SLC25A12: variants seen among roughly 807,000 people sequenced by gnomAD.
The protein encoded by SLC25A12 is solute carrier family 25 member 12, also known as electrogenic aspartate/glutamate antiporter SLC25A12, mitochondrial.
SLC25A12 carries 32 observed loss-of-function variants against 83.3 expected under a neutral mutation model. That is an observed-to-expected ratio of 0.38 (90% confidence interval 0.29 to 0.52). The LOEUF (loss-of-function observed/expected upper bound fraction) is 0.52, where lower values mean the gene tolerates loss of function less well. Ranked by LOEUF, SLC25A12 falls within the 20% of genes least tolerant of loss-of-function variation. The probability of loss-of-function intolerance (pLI) is 0.84; values close to 1 mark genes in which losing one functional copy is unlikely to be tolerated. For missense variants in SLC25A12, 611 were observed against 835.6 expected (o/e 0.73, Z 3.31); for synonymous variants, 267 against 291.1 (o/e 0.92, Z 0.84).
At chr2:171,877,614 G>A (rs371616942) in intron 2 of SLC25A12, among the ~76,000 whole-genome samples, 6 of 149,736 alleles carry the variant, frequency 4.0e-5, no homozygotes, top group South Asian at 2.1e-4. Flanking sequence ...GCAGTAAGCC[G>A]AGATCGTGCC....
At chr2:171,868,980 T>C (rs1188470708) in intron 2 of SLC25A12, among the ~76,000 whole-genome samples, 157 bp from the exon 3 acceptor site, 2 of 152,224 alleles carry the variant, frequency 1.3e-5, no homozygotes, top group Admixed American at 6.5e-5. Context: ...AAATCAAATA[T>C]TCAGAGCCTG....
chr2:171,797,564 A>G (rs556199552), intron 13 of SLC25A12, among the ~76,000 whole-genome samples: 6 of 152,280 alleles, frequency 3.9e-5, no homozygotes, highest in Admixed American at 3.9e-4. Context: ...ACAACAAGAA[A>G]CAGACCTGGT....
chr2:171,789,498 G>T (rs184024395), intron 15 of SLC25A12, among the ~76,000 whole-genome samples: 2 of 152,264 alleles, frequency 1.3e-5, no homozygotes, highest in Non-Finnish European at 2.9e-5. Context: ...AAAGTGCTGG[G>T]ATTACAGGAA....
intron 9 of SLC25A12, among the ~76,000 whole-genome samples, chr2:171,815,991 G>T (rs1011944406): frequency 1.3e-5 from 2 of 148,518 alleles, no homozygotes; most frequent in South Asian, 4.3e-4. Flanking sequence ...TACAAAAATA[G>T]AAATTATAGA....
At chr2:171,853,993 G>A (rs1250627355) in intron 4 of SLC25A12, among the ~76,000 whole-genome samples, 1 of 152,224 alleles carries the variant, frequency 6.6e-6, no homozygotes, top group African/African-American at 2.4e-5. Flanking sequence ...TATAAGCACA[G>A]GGCACTGTCA....
chr2:171,894,162 T>C, intron 1 of SLC25A12, 41 bp downstream of exon 1: 5 of 1,599,952 alleles, frequency 3.1e-6, no homozygotes, highest in Non-Finnish European at 4.3e-6. Context: ...GCTCGGAATG[T>C]CTCTTATGCA....
intron 8 of SLC25A12, among the ~76,000 whole-genome samples, chr2:171,828,097 T>C (rs910409320): frequency 6.6e-6 from 1 of 152,190 alleles, no homozygotes; most frequent in Non-Finnish European, 1.5e-5. Context: ...ATTGCCTGGT[T>C]TGGGTGAGGG....
At chr2:171,885,763 G>T (rs922357452) in intron 2 of SLC25A12, among the ~76,000 whole-genome samples, 2 of 152,156 alleles carry the variant, frequency 1.3e-5, no homozygotes, top group South Asian at 2.1e-4. Context: ...AATTATAATA[G>T]CATGGTTAAT....
chr2:171,813,069 G>T (rs1466395472), intron 11 of SLC25A12, among the ~76,000 whole-genome samples: 1 of 152,030 alleles, frequency 6.6e-6, no homozygotes, highest in Non-Finnish European at 1.5e-5. Flanking sequence ...GGAGCATGGT[G>T]ACATAGACCC....
intron 4 of SLC25A12, among the ~76,000 whole-genome samples, chr2:171,847,781 A>T (rs4668414): frequency 2.0e-5 from 3 of 152,176 alleles, no homozygotes; most frequent in African/African-American, 7.2e-5. Flanking sequence ...CTTCCTGCAG[A>T]GCATGGGCTT....
At chr2:171,811,292 A>G (rs919618986) in intron 11 of SLC25A12, among the ~76,000 whole-genome samples, 23 of 152,300 alleles carry the variant, frequency 1.5e-4, no homozygotes, top group Admixed American at 1.0e-3. Context: ...TGAATTATCA[A>G]TGATACACAC....
chr2:171,801,436 C>T (rs1376988204), intron 13 of SLC25A12, among the ~76,000 whole-genome samples: 1 of 152,128 alleles, frequency 6.6e-6, no homozygotes, highest in African/African-American at 2.4e-5. Context: ...CATTAAGGTA[C>T]TATTTTTGCC....
intron 13 of SLC25A12, among the ~76,000 whole-genome samples, chr2:171,795,888 G>A (rs981044726): frequency 1.1e-4 from 17 of 151,134 alleles, no homozygotes; most frequent in African/African-American, 3.4e-4. Flanking sequence ...CAAGTAATAG[G>A]CTTTCTACTG....
chr2:171,785,325 A>G lies in SLC25A12; in HGVS notation c.1986T>C (p.Ser662=). Residue 662 remains serine, a synonymous_variant, in exon 18 of 18, where the codon TCT becomes TCC. Transcript: ENST00000422440. The part of the protein sequence containing the change: ...KFGLYLPKFK[S]PSVAVVQPKA... ...TTGGCTGAACCACAGCAACACTAGG[A>G]GACTTAAATTTCGGGAGATAAAGGC... 1 of 1,614,180 alleles carries G rather than the reference A, an allele frequency of 6.2e-7. No individual in the cohort carries two copies. Among genetic ancestry groups the G allele is most frequent in the Admixed American group, 1.7e-5 (1 of 60,020 alleles).
intron 9 of SLC25A12, among the ~76,000 whole-genome samples, chr2:171,819,291 C>T: frequency 8.4e-6 from 1 of 118,384 alleles, no homozygotes; most frequent in South Asian, 2.4e-4. Flanking sequence ...ATATATAATA[C>T]ATAATATAGA....
In SLC25A12 at chr2:171,833,978, A is replaced by G; in HGVS notation, c.830T>C (p.Leu277Ser). 6.3e-7 allele frequency: 1 copy of G among 1,582,500 alleles called. No homozygotes were observed. Among genetic ancestry groups the G allele is most frequent in the Non-Finnish European group, 8.7e-7 (1 of 1,151,380 alleles). Residue 277 changes from leucine to serine, a missense_variant, in exon 8 of 18, where the codon TTA (leucine) becomes TCA (serine). Physicochemically the swap from Leu to Ser is moderately radical, Grantham distance 145. Coordinates refer to ENST00000422440, the MANE Select transcript of SLC25A12 (RefSeq NM_003705.5). The stretch of plus-strand genomic sequence containing the variant: ...AAATACTTACCCTGAAGCATTATAT[A>G]AGTCTGCAAGCTGATATAGAATATC... ...EIDILYQLAD[L>S]YNASGRLTLA... is the part of the protein sequence containing the mutation.
intron 2 of SLC25A12, among the ~76,000 whole-genome samples, chr2:171,883,612 C>G (rs1367173511): frequency 6.6e-6 from 1 of 151,910 alleles, no homozygotes; most frequent in Admixed American, 6.6e-5. Context: ...GGCACACTGG[C>G]CTTTCTGTTT....
At chr2:171,794,671 A>C (rs1198137373) in intron 13 of SLC25A12, among the ~76,000 whole-genome samples, 1 of 151,960 alleles carries the variant, frequency 6.6e-6, no homozygotes, top group Non-Finnish European at 1.5e-5. Context: ...GTGTGTGACT[A>C]TGGATATATA....
chr2:171,870,612 C>G (rs1356004199), intron 2 of SLC25A12, among the ~76,000 whole-genome samples: 1 of 151,850 alleles, frequency 6.6e-6, no homozygotes, highest in Non-Finnish European at 1.5e-5. Context: ...CAGAGCAAGA[C>G]CCTGTTTCAA....
Sources: gnomAD v4.1 joint callset for allele counts (sites outside exome capture counted in the v4.1 genomes callset) on GRCh38, gnomAD v4.1.1 for gene constraint, MANE v1.5 for transcripts, NCBI Gene and HGNC (gene_info 2026-07-23, HGNC 2026-07-21) for gene names.